The following SLC24A2 variants were observed in gnomAD, a reference collection of about 807,000 sequenced individuals.
The protein encoded by SLC24A2 is sodium/potassium/calcium exchanger 2.
SLC24A2 carries 36 observed loss-of-function variants against 62.0 expected under a neutral mutation model. That is an observed-to-expected ratio of 0.58 (90% CI 0.44 to 0.77). The LOEUF is 0.77. Among genes scored for constraint, SLC24A2 ranks in the 30% least tolerant of loss-of-function variants. SLC24A2 has a pLI of 0.00. For missense variants in SLC24A2, 846 were observed against 817.9 expected (o/e 1.03, Z -0.42); for synonymous variants, 358 against 294.0 (o/e 1.22, Z -2.23).
rs141137718 is a variant in SLC24A2, at chr9:19,703,797, T to C, written c.931-81498A>G. Among the ~76,000 whole-genome samples the C allele has an allele frequency of 6.8e-4, 103 of 152,340 alleles. 1 individual carries two copies. The East Asian group carries it at 0.014, about 20-fold the overall frequency. On this transcript the variant is annotated intron_variant, in intron 2 of 10. Transcript: ENST00000341998. ...GACAGGAAGTACTATGGCTACATTT[T>C]ATAGTCTTATGTGCTATGAAGTATG...
the SLC24A2 span, among the ~76,000 whole-genome samples, chr9:19,906,622 G>A: frequency 5.3e-5 from 8 of 151,850 alleles, no homozygotes; most frequent in African/African-American, 1.2e-4. Context: ...TCAAATAGAC[G>A]CAATAAAAAA....
chr9:20,216,770 A>G, the SLC24A2 span, among the ~76,000 whole-genome samples: 1 of 152,178 alleles, frequency 6.6e-6, no homozygotes, highest in African/African-American at 2.4e-5. Context: ...TACATGTCTC[A>G]TTTGTTGTAA....
intron 2 of SLC24A2, among the ~76,000 whole-genome samples, chr9:19,638,046 C>A (rs1054265440): frequency 6.6e-6 from 1 of 152,194 alleles, no homozygotes; most frequent in Non-Finnish European, 1.5e-5. Context: ...ATATTTATAG[C>A]TCCATAAGCA....
At chr9:19,693,731 T>C in intron 2 of SLC24A2, among the ~76,000 whole-genome samples, 1 of 152,236 alleles carries the variant, frequency 6.6e-6, no homozygotes, top group African/African-American at 2.4e-5. Flanking sequence ...CAGAAGACAG[T>C]GTTGGGAAAA....
At chr9:19,937,812 G>A in the SLC24A2 span, among the ~76,000 whole-genome samples, 17 of 152,116 alleles carry the variant, frequency 1.1e-4, no homozygotes, top group African/African-American at 3.9e-4. Flanking sequence ...CTGTCTTCAG[G>A]ATGTATATGG....
intron 7 of SLC24A2, among the ~76,000 whole-genome samples, chr9:19,555,415 T>C (rs909553550): frequency 1.3e-5 from 2 of 152,186 alleles, no homozygotes; most frequent in Admixed American, 6.5e-5. Context: ...GCCAAATTTG[T>C]AACCTGTACC....
the SLC24A2 span, among the ~76,000 whole-genome samples, chr9:20,271,388 C>A: frequency 8.5e-5 from 13 of 152,326 alleles, no homozygotes; most frequent in South Asian, 2.5e-3. Flanking sequence ...GACTGTGTGT[C>A]TTTATTCATC....
At chr9:20,263,869 C>T in the SLC24A2 span, among the ~76,000 whole-genome samples, 5 of 116,874 alleles carry the variant, frequency 4.3e-5, 1 homozygote, top group African/African-American at 1.2e-4. Context: ...CCGCCCCCCC[C>T]CCCCCATTAA....
At chr9:19,522,175 G>A (rs1002319200) in intron 9 of SLC24A2, among the ~76,000 whole-genome samples, 1 of 151,788 alleles carries the variant, frequency 6.6e-6, no homozygotes, top group African/African-American at 2.4e-5. Context: ...CACCTGGCTA[G>A]TTTTTTTTAG....
the SLC24A2 span, among the ~76,000 whole-genome samples, chr9:20,140,330 A>G: frequency 1.3e-5 from 2 of 152,182 alleles, no homozygotes; most frequent in East Asian, 3.9e-4. Context: ...GCCAGCGTTG[A>G]AAGCACTCAA....
the SLC24A2 span, among the ~76,000 whole-genome samples, chr9:20,053,300 T>C: frequency 6.6e-5 from 10 of 152,280 alleles, no homozygotes; most frequent in South Asian, 1.0e-3. Flanking sequence ...TGGAGGGCTA[T>C]ATAACCAGAG....
At chr9:20,281,690 G>T in the SLC24A2 span, among the ~76,000 whole-genome samples, 9 of 152,006 alleles carry the variant, frequency 5.9e-5, no homozygotes, top group Non-Finnish European at 4.4e-5. Context: ...TTTGATTTGG[G>T]GAATATCTCA....
chr9:20,260,849 C>CTTTTTTTTTTTTTTTT, the SLC24A2 span, among the ~76,000 whole-genome samples: 1 of 90,278 alleles, frequency 1.1e-5, no homozygotes, highest in African/African-American at 4.7e-5. Flanking sequence ...ATCATTCTTT[C>CTTTTTTTTTTTTTTTT]TTTTTTTTTT....
At chr9:19,549,756 A>C (rs1834752607) in intron 8 of SLC24A2, among the ~76,000 whole-genome samples, 1 of 152,220 alleles carries the variant, frequency 6.6e-6, no homozygotes. Context: ...CCACAGACAT[A>C]ATGGAGCAGA....
At chr9:19,972,164 G>A in the SLC24A2 span, among the ~76,000 whole-genome samples, 5 of 151,972 alleles carry the variant, frequency 3.3e-5, no homozygotes, top group Admixed American at 3.3e-4. Context: ...TCACCACTAT[G>A]AGGCCAGTAT....
At chr9:20,236,189 T>C in the SLC24A2 span, among the ~76,000 whole-genome samples, 2 of 152,228 alleles carry the variant, frequency 1.3e-5, no homozygotes. Flanking sequence ...AAGAAATCAT[T>C]TCTCCAAAAG....
chr9:19,569,279 T>C (rs10811210), intron 7 of SLC24A2, among the ~76,000 whole-genome samples: 3,344 of 152,350 alleles, frequency 0.022, 76 homozygotes, highest in East Asian at 0.072. Flanking sequence ...GCAGGCCAGA[T>C]TTGGCCTGTG....
chr9:20,256,427 G>A, the SLC24A2 span, among the ~76,000 whole-genome samples: 1 of 152,286 alleles, frequency 6.6e-6, no homozygotes, highest in Non-Finnish European at 1.5e-5. Context: ...AGACAGTCCT[G>A]CCAAGACTTT....
intron 4 of SLC24A2, among the ~76,000 whole-genome samples, chr9:19,615,704 C>T (rs1157956082): frequency 1.3e-5 from 2 of 152,120 alleles, no homozygotes; most frequent in Non-Finnish European, 2.9e-5. Context: ...GAGGTTTCAC[C>T]TTGAAAGCAG....
Sources: gnomAD v4.1 joint callset for allele counts (sites outside exome capture counted in the v4.1 genomes callset) on GRCh38, gnomAD v4.1.1 for gene constraint, MANE v1.5 for transcripts, NCBI Gene and HGNC (gene_info 2026-07-23, HGNC 2026-07-21) for gene names.